NRXN1: variants seen among roughly 807,000 people sequenced by gnomAD.
The protein encoded by NRXN1 is neurexin-1.
NRXN1 carries 39 observed loss-of-function variants against 150.9 expected under a neutral mutation model. The ratio of observed to expected loss-of-function variants is 0.26; its 90% CI spans 0.20 to 0.34. The LOEUF (loss-of-function observed/expected upper bound fraction) is 0.34, where lower values mean the gene tolerates loss of function less well. Ranked by LOEUF, NRXN1 falls within the 10% of genes least tolerant of loss-of-function variation. NRXN1 has a pLI of 1.00. For synonymous variants in NRXN1, 924 were observed against 757.0 expected (o/e 1.22, Z -3.62); for missense variants, 1,815 against 1,949.9 (o/e 0.93, Z 1.30).
intron 18 of NRXN1, among the ~76,000 whole-genome samples, chr2:50,199,811 C>T (rs1024495333): frequency 1.3e-5 from 2 of 152,134 alleles, no homozygotes; most frequent in Admixed American, 6.6e-5. Context: ...TAAAAAGACA[C>T]ATTGCTCCCT....
At chr2:50,893,849 G>C (rs1233298403) in intron 5 of NRXN1, among the ~76,000 whole-genome samples, 2 of 151,986 alleles carry the variant, frequency 1.3e-5, no homozygotes, top group Non-Finnish European at 2.9e-5. Flanking sequence ...GAGAATATGC[G>C]GTGTTTGGTT....
chr2:50,665,912 T>C (rs1274677872), intron 5 of NRXN1, among the ~76,000 whole-genome samples: 1 of 151,960 alleles, frequency 6.6e-6, no homozygotes, highest in Admixed American at 6.6e-5. Flanking sequence ...TGACATTCAG[T>C]AAACAACACA....
At chr2:50,982,794 T>G (rs910161473) in intron 2 of NRXN1, among the ~76,000 whole-genome samples, 2 of 152,094 alleles carry the variant, frequency 1.3e-5, no homozygotes, top group African/African-American at 4.8e-5. Flanking sequence ...CTAATACTAA[T>G]TTTAACCATA....
rs61282635 is a variant in NRXN1, at chr2:50,320,283, CATATATATATATATAT to C, written c.3365-83329_3365-83314del. The stretch of plus-strand genomic sequence containing the variant: ...TATTCATTTATTCTTATACCTCAAT[CATATATATATATATAT>C]ATATATATATATATATATATATATA... On this transcript the variant is annotated intron_variant, in intron 17 of 22. Transcript: ENST00000401669. Among the ~76,000 whole-genome samples the C allele has an allele frequency of 4.2e-3, 183 of 43,060 alleles. 1 individual carries two copies. The highest frequency in any genetic ancestry group is 0.029 in the Middle Eastern group (1 of 34). 28.2% of individuals were successfully genotyped at this position (43,060 alleles called of 152,430 possible).
At chr2:50,560,476 C>T (rs535638393) in intron 8 of NRXN1, among the ~76,000 whole-genome samples, 8 of 126,010 alleles carry the variant, frequency 6.3e-5, no homozygotes, top group African/African-American at 1.6e-4. Flanking sequence ...CGTCTCACTC[C>T]GTCGCCCAGG....
intron 22 of NRXN1, among the ~76,000 whole-genome samples, chr2:49,922,549 G>A (rs1668405877): frequency 1.3e-5 from 2 of 151,976 alleles, no homozygotes; most frequent in African/African-American, 4.8e-5. Flanking sequence ...CCATGTGGGT[G>A]ACTTAAGTAA....
At chr2:50,636,441 A>G (rs940557622) in intron 5 of NRXN1, among the ~76,000 whole-genome samples, 2 of 152,072 alleles carry the variant, frequency 1.3e-5, no homozygotes, top group African/African-American at 4.8e-5. Flanking sequence ...TCCATTCTAA[A>G]ACTCTATGGT....
chr2:50,397,498 A>G (rs2082124625), intron 17 of NRXN1, among the ~76,000 whole-genome samples: 2 of 152,122 alleles, frequency 1.3e-5, no homozygotes, highest in South Asian at 4.1e-4. Flanking sequence ...CAGCCATGTT[A>G]CAGATGAACG....
chr2:49,923,973 A>G (rs1045659736), intron 22 of NRXN1, among the ~76,000 whole-genome samples: 1 of 152,234 alleles, frequency 6.6e-6, no homozygotes, highest in African/African-American at 2.4e-5. Context: ...GACAAAGACT[A>G]TAATCCACAG....
At chr2:50,128,208 C>G (rs1704896237) in intron 18 of NRXN1, among the ~76,000 whole-genome samples, 1 of 152,038 alleles carries the variant, frequency 6.6e-6, no homozygotes, top group African/African-American at 2.4e-5. Flanking sequence ...GAAAAGATAT[C>G]TCTGAGAAGA....
At chr2:50,514,686 T>C (rs949817568) in intron 12 of NRXN1, among the ~76,000 whole-genome samples, 1 of 152,218 alleles carries the variant, frequency 6.6e-6, no homozygotes, top group Non-Finnish European at 1.5e-5. Context: ...ATGGAGTGGC[T>C]GTGTTTCAGT....
At chr2:50,126,788 C>CT (rs1212116433) in intron 18 of NRXN1, among the ~76,000 whole-genome samples, 3 of 152,010 alleles carry the variant, frequency 2.0e-5, no homozygotes, top group African/African-American at 7.2e-5. Flanking sequence ...TTTTAAGGAG[C>CT]TTATGCATTG....
chr2:50,610,642 C>CATACAT (rs1553879967), intron 8 of NRXN1, among the ~76,000 whole-genome samples: 7 of 42,876 alleles, frequency 1.6e-4, no homozygotes, highest in African/African-American at 5.2e-4. Context: ...TAAATAGATA[C>CATACAT]ATATATATAT....
At chr2:50,962,792 C>A (rs1693422267) in intron 2 of NRXN1, among the ~76,000 whole-genome samples, 1 of 151,550 alleles carries the variant, frequency 6.6e-6, no homozygotes, top group South Asian at 2.1e-4. Context: ...TAAATTTTCG[C>A]TCCCAAATGA....
intron 17 of NRXN1, among the ~76,000 whole-genome samples, chr2:50,460,272 G>A (rs1338317015): frequency 6.6e-6 from 1 of 152,064 alleles, no homozygotes. Flanking sequence ...AAAAATTAGA[G>A]CATACTAGCA....
intron 5 of NRXN1, among the ~76,000 whole-genome samples, chr2:50,883,990 AAC>A (rs769086664): frequency 8.6e-5 from 13 of 151,776 alleles, no homozygotes; most frequent in Non-Finnish European, 1.5e-4. Flanking sequence ...CTTTTTGCTA[AAC>A]ACATGTGTGC....
intron 18 of NRXN1, among the ~76,000 whole-genome samples, chr2:50,224,202 G>C (rs1343988538): frequency 6.6e-6 from 1 of 151,732 alleles, no homozygotes; most frequent in Non-Finnish European, 1.5e-5. Context: ...AAATAAGCTG[G>C]GCCAGCCTGA....
At chr2:50,243,766 G>C (rs2066250974) in intron 17 of NRXN1, among the ~76,000 whole-genome samples, 1 of 151,808 alleles carries the variant, frequency 6.6e-6, no homozygotes, top group Non-Finnish European at 1.5e-5. Context: ...CTCCACGGTA[G>C]ACATTGGAAG....
chr2:50,979,293 C>T (rs773137337), intron 2 of NRXN1: 4 of 517,950 alleles, frequency 7.7e-6, no homozygotes, highest in South Asian at 5.6e-5. Context: ...GAAGAGAGAA[C>T]TTCCTCACCC....
Sources: gnomAD v4.1 joint callset for allele counts (sites outside exome capture counted in the v4.1 genomes callset) on GRCh38, gnomAD v4.1.1 for gene constraint, MANE v1.5 for transcripts, NCBI Gene and HGNC (gene_info 2026-07-23, HGNC 2026-07-21) for gene names.